MCM4: variants seen among roughly 807,000 people sequenced by gnomAD.
The protein encoded by MCM4 is DNA replication licensing factor MCM4.
In MCM4, 60 loss-of-function variants were observed where a neutral mutation model predicts 88.7. That is an observed-to-expected ratio of 0.68 (90% CI 0.55 to 0.84). The LOEUF is 0.84. MCM4 is among the 40% of genes least tolerant of loss of function. The pLI, the probability that MCM4 is intolerant of heterozygous loss-of-function variation, is 0.00. For synonymous variants in MCM4, 465 were observed against 410.5 expected, an observed-to-expected ratio of 1.13 and a Z score of -1.61; for missense variants, 1,149 against 1,105.5, an observed-to-expected ratio of 1.04 and a Z score of -0.56.
intron 16 of MCM4, 84 bp from the exon 17 acceptor site, chr8:47,976,602 T>A: frequency 2.0e-6 from 2 of 1,002,632 alleles, no homozygotes; most frequent in Non-Finnish European, 3.1e-6. Context: ...TGGGTGGTAC[T>A]TTAACATTAT....
chr8:47,962,297 C>G lies in MCM4; in HGVS notation c.400-8C>G. On this transcript the variant is annotated splice_polypyrimidine_tract_variant and splice_region_variant and intron_variant, in intron 4 of 16. Coordinates refer to ENST00000649973, the MANE Select transcript of MCM4 (RefSeq NM_182746.3). ...GTTTTCATGATTCTGTCATGTTTTT[C>G]TGTGTAGGCAGCAGCAGAAGATATA... 1 of 1,614,078 alleles carries G rather than the reference C, an allele frequency of 6.2e-7. No homozygotes were observed. The highest frequency in any genetic ancestry group is 1.1e-5 in the South Asian group (1 of 91,070).
chr8:47,962,597 A>G (rs920252603), intron 5 of MCM4, among the ~76,000 whole-genome samples, 167 bp from the exon 6 acceptor site: 2 of 152,208 alleles, frequency 1.3e-5, no homozygotes, highest in African/African-American at 2.4e-5. Flanking sequence ...CAGCCTGACC[A>G]ATATAGTGAG....
In MCM4 at chr8:47,963,028, C is replaced by T; in HGVS notation, c.681C>T (p.Ile227=). The T allele has an allele frequency of 6.3e-7, 1 of 1,589,232 alleles. No homozygotes were observed. Among genetic ancestry groups the T allele is most frequent in the Non-Finnish European group, 8.6e-7 (1 of 1,165,892 alleles). Residue 227 remains isoleucine (I), a synonymous_variant, in exon 7 of 17, where the codon ATC becomes ATT. Transcript: ENST00000649973. ...SFDKNLYRQL[I]SYPQEVIPTF... is the part of the protein sequence containing the mutation. ...ACAAAAATTTGTACAGACAACTCAT[C>T]TCTTACCCACAGGTAAGAATTTAGC...
intron 11 of MCM4, 70 bp downstream of exon 11, chr8:47,970,127 T>C (rs927715123): frequency 3.4e-5 from 52 of 1,523,724 alleles, no homozygotes; most frequent in Non-Finnish European, 4.3e-5. Context: ...AAACATCCAC[T>C]CCGCCACTCG....
rs564651133 is a variant in MCM4 at position 47,966,085 on chromosome 8, C to G, written c.833-102C>G. On this transcript the variant is annotated intron_variant, in intron 8 of 16. Coordinates refer to ENST00000649973, the MANE Select transcript of MCM4 (RefSeq NM_182746.3). ...GATGACTGGACACAGAAAGGTCGCC[C>G]TAGGCAGAGTCTTGGGCACCTAGCT... The G allele has an allele frequency of 3.4e-4, 308 of 918,662 alleles. 3 individuals carry two copies. The East Asian group carries it at 7.5e-3, about 22-fold the overall frequency. The allele number at this position is 918,662 out of a possible 1,614,324, so 56.9% of individuals were successfully genotyped here. A position where few individuals can be genotyped will look rare whatever the true frequency, so the allele number is the denominator to read the frequency against.
intron 11 of MCM4, among the ~76,000 whole-genome samples, 189 bp downstream of exon 11, chr8:47,970,246 C>T (rs530239169): frequency 2.6e-5 from 4 of 152,264 alleles, no homozygotes; most frequent in African/African-American, 9.6e-5. Context: ...CATCTCTGGT[C>T]TAAACTTAGG....
In MCM4 at chr8:47,971,459, T is replaced by C. The variant is rs373756616; in HGVS notation, c.1919T>C (p.Leu640Ser). The C allele has an allele frequency of 4.3e-6, 7 of 1,614,096 alleles. No individual in the cohort carries two copies. Among genetic ancestry groups the C allele is most frequent in the Non-Finnish European group, 5.1e-6 (6 of 1,179,934 alleles). The part of the protein sequence containing the change: ...TIENIQLPHT[L>S]LSRFDLIFLL... ...GAAAACATCCAGCTGCCTCATACTT[T>C]ATTATCAAGGTATTAAAACAGATTT... Residue 640 changes from leucine to serine, a missense_variant, in exon 13 of 17, where the codon TTA (leucine) becomes TCA (serine). This residue lies in a region of MCM4 where 906 missense variants were observed against 843.0 expected (regional missense o/e 1.07). Transcript: ENST00000649973.
In MCM4 at chr8:47,962,971, A is replaced by T. The variant is rs1214380687; in HGVS notation, c.624A>T (p.Leu208Phe). 5.0e-6 allele frequency: 8 copies of T among 1,604,190 alleles called. No homozygotes were observed. Among genetic ancestry groups the T allele is most frequent in the Non-Finnish European group, 6.8e-6 (8 of 1,176,260 alleles). Residue 208 changes from leucine (L) to phenylalanine (F), a missense_variant, in exon 7 of 17, where the codon TTA (leucine) becomes TTT (phenylalanine). Coordinates refer to ENST00000649973, the MANE Select transcript of MCM4 (RefSeq NM_182746.3). ...GEINVIGEPF[L>F]NVNCEHIKSF... The stretch of plus-strand genomic sequence containing the variant: ...TTAATGTTATTGGTGAGCCATTTTT[A>T]AATGTGAACTGTGAACACATCAAAT...
intron 6 of MCM4, 39 bp downstream of exon 6, chr8:47,962,898 A>G (rs1372254554): frequency 3.8e-6 from 6 of 1,576,510 alleles, no homozygotes; most frequent in Middle Eastern, 1.7e-4. Flanking sequence ...ACGTGTTTTA[A>G]AATAGTTAAA....
In MCM4 at chr8:47,960,946, T is replaced by A; in HGVS notation, c.-83T>A. The A allele has an allele frequency of 1.9e-6, 1 of 531,484 alleles. No individual in the cohort carries two copies. The highest frequency in any genetic ancestry group is 3.2e-6 in the Non-Finnish European group (1 of 317,034). The allele number at this position is 531,484 out of a possible 1,614,324, so 32.9% of individuals were successfully genotyped here. ...CGGCGGGAACTCTGGGTCTCGCGGT[T>A]TGGGAGCGCTACTCGCCAGGTGGAC... On this transcript the variant is annotated 5_prime_UTR_variant, in exon 1 of 17. It adds an upstream start codon to the 5' untranslated region. Transcript: ENST00000649973.
At chr8:47,967,327 C>A (rs573793460) in intron 9 of MCM4, 38 bp from the exon 10 acceptor site, 2 of 1,613,080 alleles carry the variant, frequency 1.2e-6, no homozygotes, top group African/African-American at 2.7e-5. Flanking sequence ...CCTGCCCTCT[C>A]TTTGTGGCCC....
rs759033911 is a variant in MCM4 at position 47,975,664 on chromosome 8, A to G, written c.2366-51A>G. On this transcript the variant is annotated intron_variant, in intron 15 of 16. Coordinates refer to ENST00000649973, the MANE Select transcript of MCM4 (RefSeq NM_182746.3). Reference sequence around the variant, plus strand: ...AGGAATATTTTTGAGAATTTGAAGCATTTCATTTCATAATAGCAAAAATGT... The same window carrying G: ...AGGAATATTTTTGAGAATTTGAAGCGTTTCATTTCATAATAGCAAAAATGT... 16 of 1,414,752 alleles carry G rather than the reference A, an allele frequency of 1.1e-5. No individual in the cohort carries two copies. The African/African-American group carries it at 2.2e-4, about 20-fold the overall frequency. 87.6% of individuals were successfully genotyped at this position (1,414,752 alleles called of 1,614,324 possible).
chr8:47,976,041 A>G (rs946692849), intron 16 of MCM4, among the ~76,000 whole-genome samples, 193 bp downstream of exon 16: 8 of 152,268 alleles, frequency 5.3e-5, no homozygotes, highest in African/African-American at 1.7e-4. Flanking sequence ...TCACGCCTGT[A>G]ATCTCATTTG....
At chr8:47,961,953 T>C (rs2090844550) in intron 3 of MCM4, 100 bp from the exon 4 acceptor site, 8 of 1,154,754 alleles carry the variant, frequency 6.9e-6, no homozygotes, top group African/African-American at 1.5e-5. Context: ...GCAATAAATA[T>C]TCAGTTTGCT....
In MCM4 at chr8:47,970,654, C is replaced by G. The variant is rs34157149; in HGVS notation, c.1578C>G (p.Leu526=). Residue 526 remains leucine (L), a synonymous_variant, in exon 12 of 17, where the codon CTC becomes CTG. Transcript: ENST00000649973. ...KSQLLQYVYN[L]VPRGQYTSGK... is the part of the protein sequence containing the mutation. ...AGCTGCTGCAGTACGTGTACAACCTCGTCCCCAGGGGCCAGTACACGTCTG... is the reference window on the plus strand; with the variant it reads ...AGCTGCTGCAGTACGTGTACAACCTGGTCCCCAGGGGCCAGTACACGTCTG... 4.1e-4 allele frequency: 659 copies of G among 1,614,164 alleles called. No homozygotes were observed. The highest frequency in any genetic ancestry group is 5.1e-4 in the Non-Finnish European group (600 of 1,180,034).
intron 5 of MCM4, 141 bp from the exon 6 acceptor site, chr8:47,962,623 T>G (rs2090854947): frequency 1.4e-6 from 1 of 698,584 alleles, no homozygotes; most frequent in South Asian, 1.9e-5. Flanking sequence ...ATCTCCAAAT[T>G]AAATTTTAGA....
chr8:47,972,764 C>A, intron 13 of MCM4, 93 bp from the exon 14 acceptor site: 1 of 915,956 alleles, frequency 1.1e-6, no homozygotes, highest in Non-Finnish European at 1.7e-6. Context: ...ACCGTGTTGG[C>A]CAGGCTGGTC....
chr8:47,966,024 G>A (rs541703537), intron 8 of MCM4, among the ~76,000 whole-genome samples, 163 bp from the exon 9 acceptor site: 1 of 152,124 alleles, frequency 6.6e-6, no homozygotes, highest in Admixed American at 6.5e-5. Context: ...CCAGAGGTTC[G>A]CTGGGCTTGA....
In MCM4 at chr8:47,961,657, G is replaced by T. The variant is rs189505289; in HGVS notation, c.212G>T (p.Ser71Ile). The T allele has an allele frequency of 6.2e-7, 1 of 1,611,542 alleles. No individual in the cohort carries two copies. The highest frequency in any genetic ancestry group is 2.2e-5 in the East Asian group (1 of 44,806). ...GCTGCGCAGGACGTGCTGTTTTCCA[G>T]CCCTCCCCAAATGCATTCTTCAGGT... ...SPAAQDVLFS[S>I]PPQMHSSAIP... Residue 71 changes from serine (S) to isoleucine (I), a missense_variant, in exon 3 of 17, where the codon AGC (serine) becomes ATC (isoleucine). Ser to Ile is a moderately radical substitution (Grantham distance 142, BLOSUM62 -2). This residue lies in a region of MCM4 where 906 missense variants were observed against 843.0 expected (regional missense o/e 1.07). Coordinates refer to ENST00000649973, the MANE Select transcript of MCM4 (RefSeq NM_182746.3).
Sources: gnomAD v4.1 joint callset for allele counts (sites outside exome capture counted in the v4.1 genomes callset) on GRCh38, gnomAD v4.1.1 for gene constraint, gnomAD v4.1.1 regional missense constraint, MANE v1.5 for transcripts, NCBI Gene and HGNC (gene_info 2026-07-23, HGNC 2026-07-21) for gene names.